The following NPAS3 variants were observed in gnomAD, a reference collection of about 807,000 sequenced individuals.
The protein encoded by NPAS3 is neuronal PAS domain protein 3.
A neutral mutation model predicts 73.1 loss-of-function variants in NPAS3; 14 were observed. The observed-to-expected ratio is 0.19, with a 90% CI of 0.13 to 0.30. The LOEUF is 0.30. Among genes scored for constraint, NPAS3 ranks in the 10% least tolerant of loss-of-function variants. The probability of loss-of-function intolerance (pLI) is 1.00; values close to 1 mark genes in which losing one functional copy is unlikely to be tolerated. For missense variants in NPAS3, 1,096 were observed against 1,250.0 expected, an observed-to-expected ratio of 0.88 and a Z score of 1.86; for synonymous variants, 620 against 541.5, an observed-to-expected ratio of 1.14 and a Z score of -2.01.
chr14:32,987,520 AT>A (rs1374197474), intron 1 of NPAS3, among the ~76,000 whole-genome samples: 4 of 152,164 alleles, frequency 2.6e-5, no homozygotes, highest in Non-Finnish European at 2.9e-5. Context: ...CTTATTTTTT[AT>A]TTCCAGTGAT....
chr14:33,667,937 A>G (rs145273566), intron 5 of NPAS3, among the ~76,000 whole-genome samples: 52 of 152,218 alleles, frequency 3.4e-4, no homozygotes, highest in Admixed American at 7.8e-4. Context: ...GTTCTGGGGT[A>G]CATGTACAGG....
At chr14:33,616,686 C>T (rs577625821) in intron 5 of NPAS3, among the ~76,000 whole-genome samples, 13 of 152,232 alleles carry the variant, frequency 8.5e-5, no homozygotes, top group East Asian at 5.8e-4. Context: ...TCTTTAAAAC[C>T]GCAACATTTT....
chr14:33,418,142 T>C (rs1285341669), intron 4 of NPAS3, among the ~76,000 whole-genome samples: 3 of 151,912 alleles, frequency 2.0e-5, no homozygotes. Flanking sequence ...AAAGTGTATG[T>C]CCTCCAAGAG....
rs34184288 is a variant in NPAS3 at position 33,503,579 on chromosome 14, C to CA, written c.469-56532dup. Among the ~76,000 whole-genome samples, 516 of 146,978 alleles carry CA rather than the reference C, an allele frequency of 3.5e-3. 4 individuals carry two copies. Among genetic ancestry groups the CA allele is most frequent in the South Asian group, 0.028 (130 of 4,650 alleles). ...ATATTGTGCTATTTCTTGCTTCTTT[C>CA]AAAAAAAAAATGGCACGGCAATGGG... On this transcript the variant is annotated intron_variant, in intron 4 of 11. Transcript: ENST00000356141.
At chr14:33,225,213 G>C (rs887810507) in intron 3 of NPAS3, among the ~76,000 whole-genome samples, 23 of 152,194 alleles carry the variant, frequency 1.5e-4, no homozygotes, top group Non-Finnish European at 7.4e-5. Context: ...TACATAGTTT[G>C]CTTAAGACTT....
At chr14:33,015,461 G>A (rs1447522220) in intron 1 of NPAS3, among the ~76,000 whole-genome samples, 1 of 152,206 alleles carries the variant, frequency 6.6e-6, no homozygotes, top group Non-Finnish European at 1.5e-5. Context: ...AATTAATACT[G>A]TCAGATATCT....
chr14:33,684,594 A>G (rs186242810), intron 6 of NPAS3, among the ~76,000 whole-genome samples: 2 of 152,290 alleles, frequency 1.3e-5, no homozygotes, highest in Non-Finnish European at 1.5e-5. Flanking sequence ...CGCCACACCC[A>G]GCCTCTTTGC....
chr14:33,123,977 C>T (rs567829344), intron 2 of NPAS3, among the ~76,000 whole-genome samples: 15 of 151,262 alleles, frequency 9.9e-5, no homozygotes, highest in African/African-American at 3.6e-4. Flanking sequence ...TCTCGTGCCT[C>T]AGCCTCCTGA....
intron 5 of NPAS3, among the ~76,000 whole-genome samples, chr14:33,606,198 A>G (rs914359729): frequency 6.7e-6 from 1 of 148,934 alleles, no homozygotes; most frequent in African/African-American, 2.5e-5. Context: ...CATTAGGTAT[A>G]TCTCCTAAAG....
At chr14:33,113,241 C>G (rs563258034) in intron 2 of NPAS3, among the ~76,000 whole-genome samples, 2 of 152,252 alleles carry the variant, frequency 1.3e-5, no homozygotes, top group South Asian at 4.1e-4. Flanking sequence ...GGCATTGAAT[C>G]TATAAATTAT....
At chr14:33,559,754 T>C (rs1023707960) in intron 4 of NPAS3, among the ~76,000 whole-genome samples, 5 of 152,110 alleles carry the variant, frequency 3.3e-5, no homozygotes, top group Admixed American at 6.5e-5. Flanking sequence ...CGCGGTGGCT[T>C]ACGCCTGTAA....
chr14:33,715,594 G>T (rs2060935746), intron 6 of NPAS3, among the ~76,000 whole-genome samples: 1 of 152,158 alleles, frequency 6.6e-6, no homozygotes, highest in African/African-American at 2.4e-5. Context: ...GTGTTGGAAT[G>T]GGCTAATGGT....
intron 1 of NPAS3, among the ~76,000 whole-genome samples, chr14:32,975,601 T>A (rs2037632462): frequency 6.6e-6 from 1 of 152,220 alleles, no homozygotes; most frequent in East Asian, 1.9e-4. Context: ...TTGCTATCTT[T>A]AAATCATTAG....
chr14:33,654,855 G>A (rs750645204), intron 5 of NPAS3, among the ~76,000 whole-genome samples: 6 of 152,290 alleles, frequency 3.9e-5, no homozygotes, highest in Middle Eastern at 6.8e-3. Context: ...AGTTTTATTT[G>A]ATGACACTGC....
chr14:33,196,382 A>T (rs2046352721), intron 2 of NPAS3, among the ~76,000 whole-genome samples: 1 of 152,208 alleles, frequency 6.6e-6, no homozygotes, highest in Admixed American at 6.5e-5. Flanking sequence ...CTCCCTCGTG[A>T]CAAGGATGTA....
intron 4 of NPAS3, among the ~76,000 whole-genome samples, chr14:33,384,432 AAC>A (rs2046690207): frequency 6.6e-6 from 1 of 151,914 alleles, no homozygotes; most frequent in Non-Finnish European, 1.5e-5. Flanking sequence ...AAAAAAAAAA[AAC>A]AAATACCATT....
intron 1 of NPAS3, among the ~76,000 whole-genome samples, chr14:32,948,345 TG>T (rs2036348865): frequency 6.6e-6 from 1 of 152,146 alleles, no homozygotes; most frequent in Admixed American, 6.6e-5. Flanking sequence ...TTAGAAGAAA[TG>T]GTTGGTTTAA....
At chr14:33,158,412 A>G (rs1227159712) in intron 2 of NPAS3, among the ~76,000 whole-genome samples, 1 of 152,144 alleles carries the variant, frequency 6.6e-6, no homozygotes, top group African/African-American at 2.4e-5. Flanking sequence ...TGGTCTGGGT[A>G]CTAGCTAGAG....
chr14:33,086,757 A>G (rs1363857762), intron 2 of NPAS3, among the ~76,000 whole-genome samples: 1 of 152,136 alleles, frequency 6.6e-6, no homozygotes, highest in Non-Finnish European at 1.5e-5. Flanking sequence ...CTCTTCTCCT[A>G]TCCTACCACA....
Sources: allele counts gnomAD v4.1 joint callset (sites outside exome capture counted in the v4.1 genomes callset), GRCh38; gene constraint gnomAD v4.1.1; transcripts MANE v1.5; gene names NCBI Gene and HGNC (gene_info 2026-07-23, HGNC 2026-07-21).